GLCE: variants seen among roughly 807,000 people sequenced by gnomAD.
GLCE encodes the protein glucuronic acid epimerase.
A neutral mutation model predicts 47.9 loss-of-function variants in GLCE; 19 were observed. The observed-to-expected ratio is 0.40, with a 90% confidence interval of 0.28 to 0.58. GLCE has a LOEUF of 0.58. Among genes scored for constraint, GLCE ranks in the 20% least tolerant of loss-of-function variants. The probability of loss-of-function intolerance (pLI) is 0.48; values close to 1 mark genes in which losing one functional copy is unlikely to be tolerated. For missense variants in GLCE, 556 were observed against 743.3 expected (o/e 0.75, Z 2.93); for synonymous variants, 245 against 263.4 (o/e 0.93, Z 0.68).
intron 2 of GLCE, among the ~76,000 whole-genome samples, chr15:69,222,170 C>T (rs147257014): frequency 7.9e-4 from 121 of 152,312 alleles, no homozygotes; most frequent in Non-Finnish European, 1.5e-3. Flanking sequence ...ACTGATTCCT[C>T]GAAGCTGAGC....
chr15:69,209,629 T>C (rs1439174216), intron 1 of GLCE, among the ~76,000 whole-genome samples: 1 of 151,994 alleles, frequency 6.6e-6, no homozygotes, highest in Non-Finnish European at 1.5e-5. Flanking sequence ...CGAGGGTGAG[T>C]CCAGGAGTTC....
intron 4 of GLCE, among the ~76,000 whole-genome samples, chr15:69,267,942 A>G (rs77628836): frequency 0.012 from 1,765 of 152,042 alleles, 33 homozygotes; most frequent in African/African-American, 0.041. Flanking sequence ...TTGATCAACA[A>G]TACCTTAGCC....
intron 1 of GLCE, chr15:69,197,069 C>A: frequency 3.1e-6 from 1 of 327,146 alleles, no homozygotes; most frequent in South Asian, 2.9e-5. Context: ...GAAGTATGCT[C>A]AACAAATCTC....
At chr15:69,181,905 G>T (rs565940494) in intron 1 of GLCE, among the ~76,000 whole-genome samples, 7 of 152,002 alleles carry the variant, frequency 4.6e-5, no homozygotes, top group African/African-American at 1.7e-4. Context: ...GGGATCTAGT[G>T]TGTAAGTAAA....
rs74852512 is a variant in GLCE at position 69,197,064 on chromosome 15, A to G, written c.-104-13252A>G. 6.3e-3 allele frequency: 2,070 copies of G among 330,312 alleles called. 30 individuals are homozygous for G. The highest frequency in any genetic ancestry group is 0.037 in the African/African-American group (1,753 of 46,942). The allele number at this position is 330,312 out of a possible 1,614,324, so 20.5% of individuals were successfully genotyped here. On this transcript the variant is annotated intron_variant, in intron 1 of 4. Transcript: ENST00000261858. Reference sequence around the variant, plus strand: ...AGCAAAACCATTACATCTGAGAAGTATGCTCAACAAATCTCTGAGATGCAT... The same window carrying G: ...AGCAAAACCATTACATCTGAGAAGTGTGCTCAACAAATCTCTGAGATGCAT...
chr15:69,177,652 C>T (rs1203406674), intron 1 of GLCE, among the ~76,000 whole-genome samples: 2 of 139,810 alleles, frequency 1.4e-5, no homozygotes, highest in African/African-American at 2.8e-5. Flanking sequence ...TTATCTTTAC[C>T]TCATGCCCCT....
chr15:69,209,620 G>T (rs906112080), intron 1 of GLCE, among the ~76,000 whole-genome samples: 2 of 152,082 alleles, frequency 1.3e-5, no homozygotes, highest in African/African-American at 4.8e-5. Flanking sequence ...TGTGCCACTC[G>T]AGGGTGAGTC....
chr15:69,182,489 T>C (rs2051764914), intron 1 of GLCE, among the ~76,000 whole-genome samples: 1 of 152,142 alleles, frequency 6.6e-6, no homozygotes, highest in Admixed American at 6.5e-5. Context: ...CCAAGCAAGA[T>C]TGACATAGTC....
intron 2 of GLCE, among the ~76,000 whole-genome samples, chr15:69,224,986 A>G (rs1207705778): frequency 2.0e-5 from 3 of 152,134 alleles, no homozygotes; most frequent in Admixed American, 1.3e-4. Context: ...AACATAAGTG[A>G]TATAGTTTTT....
chr15:69,225,782 A>G (rs1029232890), intron 2 of GLCE, among the ~76,000 whole-genome samples: 5 of 152,228 alleles, frequency 3.3e-5, no homozygotes, highest in African/African-American at 1.2e-4. Context: ...ATACTACATT[A>G]TGAAGTATTC....
Position 69,268,326 on chromosome 15 carries a change from C to G in GLCE, c.936C>G (p.Thr312=). ...TNGSVSVVLE[T]TEKNQLFTIH... Reference sequence around the variant, plus strand: ...GAAGTGTGTCCGTGGTTCTAGAGACCACAGAAAAGAATCAGCTCTTCACTA... The same window carrying G: ...GAAGTGTGTCCGTGGTTCTAGAGACGACAGAAAAGAATCAGCTCTTCACTA... The change falls in exon 5 of 5, where the codon ACC becomes ACG. Residue 312 remains threonine (T), a synonymous_variant. Transcript: ENST00000261858. The G allele has an allele frequency of 6.2e-7, 1 of 1,613,474 alleles. No homozygotes were observed. Among genetic ancestry groups the G allele is most frequent in the Non-Finnish European group, 8.5e-7 (1 of 1,179,482 alleles).
intron 1 of GLCE, among the ~76,000 whole-genome samples, chr15:69,204,870 G>T (rs374088771): frequency 7.9e-5 from 12 of 152,022 alleles, no homozygotes; most frequent in Non-Finnish European, 1.6e-4. Flanking sequence ...TACATGTCAC[G>T]ACTGAGCTAT....
chr15:69,210,867 T>G (rs971690441), intron 2 of GLCE, among the ~76,000 whole-genome samples: 1 of 151,896 alleles, frequency 6.6e-6, no homozygotes, highest in African/African-American at 2.4e-5. Flanking sequence ...ATTGGCAGAG[T>G]TTTTAGTTGG....
chr15:69,185,518 T>G (rs2051809981), intron 1 of GLCE, among the ~76,000 whole-genome samples: 1 of 152,084 alleles, frequency 6.6e-6, no homozygotes, highest in Admixed American at 6.6e-5. Flanking sequence ...ATCTGTGTGA[T>G]CATGGGCAGA....
chr15:69,237,246 G>A (rs191636832), intron 2 of GLCE, among the ~76,000 whole-genome samples: 1 of 152,128 alleles, frequency 6.6e-6, no homozygotes, highest in East Asian at 1.9e-4. Flanking sequence ...GCTTTGTGAA[G>A]TAGCTCAAAA....
At chr15:69,194,990 A>G (rs982525614) in intron 1 of GLCE, among the ~76,000 whole-genome samples, 1 of 152,108 alleles carries the variant, frequency 6.6e-6, no homozygotes, top group Non-Finnish European at 1.5e-5. Flanking sequence ...CTTGGATTCA[A>G]AAAAACCTAA....
chr15:69,237,314 G>A (rs1266493251), intron 2 of GLCE, among the ~76,000 whole-genome samples: 3 of 152,114 alleles, frequency 2.0e-5, no homozygotes, highest in Admixed American at 1.3e-4. Context: ...CCAATTTGGG[G>A]CTGGGTGCGG....
intron 2 of GLCE, among the ~76,000 whole-genome samples, chr15:69,235,093 CTTTTTTTTTTT>C (rs869212730): frequency 2.6e-3 from 162 of 62,878 alleles, no homozygotes; most frequent in Admixed American, 8.8e-3. Context: ...GAAGATTATT[CTTTTTTTTTTT>C]TTTTTTTTTT....
chr15:69,222,623 A>G (rs1317617418), intron 2 of GLCE, among the ~76,000 whole-genome samples: 1 of 152,114 alleles, frequency 6.6e-6, no homozygotes, highest in Non-Finnish European at 1.5e-5. Flanking sequence ...CCTGGCATCT[A>G]GGTCATCTCT....
Sources: gnomAD v4.1 joint callset for allele counts (sites outside exome capture counted in the v4.1 genomes callset) on GRCh38, gnomAD v4.1.1 for gene constraint, MANE v1.5 for transcripts, NCBI Gene and HGNC (gene_info 2026-07-23, HGNC 2026-07-21) for gene names.